Variants in PCDHA3 observed in about 807,000 individuals in gnomAD.
PCDHA3 encodes protocadherin alpha-3.
A neutral mutation model predicts 62.2 loss-of-function variants in PCDHA3; 41 were observed. The observed-to-expected ratio is 0.66, with a 90% CI of 0.51 to 0.86. The LOEUF (loss-of-function observed/expected upper bound fraction) is 0.86. PCDHA3 is among the 40% of genes least tolerant of loss of function. The pLI is 0.00. For missense variants in PCDHA3, 1,304 were observed against 1,241.2 expected (o/e 1.05, Z -0.76); for synonymous variants, 640 against 555.4 (o/e 1.15, Z -2.14).
chr5:140,838,046 T>C (rs1554136765), intron 1 of PCDHA3, among the ~76,000 whole-genome samples: 1 of 150,988 alleles, frequency 6.6e-6, no homozygotes, highest in African/African-American at 2.4e-5. Flanking sequence ...TTCTGCACTT[T>C]TTGGTTTTCC....
At chr5:140,818,094 G>C (rs1213781361) in intron 1 of PCDHA3, among the ~76,000 whole-genome samples, 7 of 151,990 alleles carry the variant, frequency 4.6e-5, no homozygotes, top group Non-Finnish European at 1.0e-4. Flanking sequence ...TATATCTGTG[G>C]GTTGATAATA....
At chr5:140,910,699 C>T (rs2075133738) in intron 1 of PCDHA3, among the ~76,000 whole-genome samples, 1 of 152,180 alleles carries the variant, frequency 6.6e-6, no homozygotes. Flanking sequence ...AGCTTGCTCA[C>T]AGTGGGCCAT....
chr5:140,942,545 G>T (rs981508818), intron 1 of PCDHA3, among the ~76,000 whole-genome samples: 1 of 151,970 alleles, frequency 6.6e-6, no homozygotes, highest in Non-Finnish European at 1.5e-5. Flanking sequence ...ATGGTGGGGG[G>T]TAGGGGGTTG....
rs141385563 is a variant in PCDHA3, at chr5:140,802,886, G to C, written c.1689G>C (p.Pro563=). The C allele has an allele frequency of 6.2e-7, 1 of 1,613,630 alleles. No homozygotes were observed. Residue 563 remains proline, a synonymous_variant, in exon 1 of 4, where the codon CCG becomes CCC. Transcript: ENST00000522353. ...TGCTGGACGAGAACGACAACGCGCC[G>C]GCACTGCTGATGCCTCGGGTGGGTG... The part of the protein sequence containing the change: ...VFVLDENDNA[P]ALLMPRVGGI...
rs2150347261 is a variant in PCDHA3, at chr5:140,842,884, G to A, written c.2394+39293G>A. ...AGAGCGGCAAGGTGTACGCGCTGCA[G>A]CCGCTGGACCACGAGGAGCTAGAGC... On this transcript the variant is annotated intron_variant, in intron 1 of 3. Transcript: ENST00000522353. 17 of 1,594,074 alleles carry A rather than the reference G, an allele frequency of 1.1e-5. 3 individuals are homozygous for A. The African/African-American group carries it at 1.8e-4, about 16-fold the overall frequency.
chr5:140,895,841 C>T (rs1389575745), intron 1 of PCDHA3, among the ~76,000 whole-genome samples: 1 of 152,092 alleles, frequency 6.6e-6, no homozygotes, highest in Admixed American at 6.6e-5. Flanking sequence ...GACAAAGTCT[C>T]ACTCTTGTAC....
At position 141,010,190 on chromosome 5, in the gene PCDHA3, CCTTT is replaced by C. The variant is rs763940360; in HGVS notation, c.*256_*259del. On this transcript the variant is annotated 3_prime_UTR_variant, in exon 4 of 4. Coordinates refer to ENST00000522353, the MANE Select transcript of PCDHA3 (RefSeq NM_018906.3). ...GAACCTAAAAAGCAGACCCAAGTTT[CCTTT>C]CTCCTCCGCCGCAAAGGAGAGGCTT... 6.4e-7 allele frequency: 1 copy of C among 1,552,504 alleles called. No individual in the cohort carries two copies. Among genetic ancestry groups the C allele is most frequent in the Non-Finnish European group, 8.7e-7 (1 of 1,147,234 alleles).
intron 1 of PCDHA3, among the ~76,000 whole-genome samples, chr5:140,855,676 T>G (rs1325964352): frequency 1.3e-5 from 2 of 149,550 alleles, no homozygotes; most frequent in Non-Finnish European, 3.0e-5. Context: ...ACTCTGAGAG[T>G]CTACATTTAA....
At chr5:140,869,765 A>G in intron 1 of PCDHA3, 1 of 1,613,282 alleles carries the variant, frequency 6.2e-7, no homozygotes, top group Non-Finnish European at 8.5e-7. Context: ...GGAAAACCAG[A>G]GCTTACTGGC....
chr5:140,883,696 G>T (rs142212706), intron 1 of PCDHA3: 2 of 1,613,818 alleles, frequency 1.2e-6, no homozygotes, highest in Non-Finnish European at 1.7e-6. Flanking sequence ...ACATCTTCAC[G>T]GTGTCTGCTC....
intron 1 of PCDHA3, chr5:140,842,147 G>A: frequency 6.2e-7 from 1 of 1,613,842 alleles, no homozygotes; most frequent in Non-Finnish European, 8.5e-7. Flanking sequence ...AGCCAATGGG[G>A]CAATTTCATA....
chr5:140,862,916 G>A, intron 1 of PCDHA3: 1 of 547,890 alleles, frequency 1.8e-6, no homozygotes, highest in Non-Finnish European at 3.5e-6. Context: ...CTGGCGCCTT[G>A]GGTGGGCTGG....
At chr5:140,979,564 A>G (rs1267870261) in intron 2 of PCDHA3, among the ~76,000 whole-genome samples, 2 of 152,222 alleles carry the variant, frequency 1.3e-5, no homozygotes, top group Non-Finnish European at 2.9e-5. Context: ...AAGATGAGCC[A>G]TGTAAAGGGC....
At chr5:140,884,252 A>T (rs782059444) in intron 1 of PCDHA3, 36 of 1,613,334 alleles carry the variant, frequency 2.2e-5, no homozygotes, top group Non-Finnish European at 2.9e-5. Context: ...GCTGACGGCC[A>T]CGGCAACGGT....
At chr5:140,947,221 T>A (rs181563367) in intron 1 of PCDHA3, among the ~76,000 whole-genome samples, 1 of 151,730 alleles carries the variant, frequency 6.6e-6, no homozygotes, top group East Asian at 1.9e-4. Context: ...TCCTGTCATT[T>A]ATGACAGGAA....
At chr5:140,941,214 C>CTTTCTTTCTTTCTTTTT (rs1554214039) in intron 1 of PCDHA3, among the ~76,000 whole-genome samples, 1 of 122,414 alleles carries the variant, frequency 8.2e-6, no homozygotes, top group East Asian at 2.3e-4. Context: ...TTTCTTTCTT[C>CTTTCTTTCTTTCTTTTT]CTTTCTTTCT....
Position 140,890,802 on chromosome 5 carries a change from A to G in PCDHA3, c.2394+87211A>G, listed in dbSNP as rs1401387956. On this transcript the variant is annotated intron_variant, in intron 1 of 3. Transcript: ENST00000522353. The stretch of plus-strand genomic sequence containing the variant: ...TAAGATATTAGTATTATTTTATACA[A>G]TCAACATTGTTTTAAATGTACTTAC... 5.3e-5 allele frequency among the ~76,000 whole-genome samples: 8 copies of G among 152,310 alleles called. 1 individual carries two copies. Among genetic ancestry groups the G allele is most frequent in the Admixed American group, 4.6e-4 (7 of 15,296 alleles).
At chr5:140,835,825 A>G (rs2150245985) in intron 1 of PCDHA3, 3 of 1,612,220 alleles carry the variant, frequency 1.9e-6, no homozygotes, top group African/African-American at 1.3e-5. Context: ...TCGGCGGGGG[A>G]CGCGGACGCG....
chr5:140,833,851 C>G (rs148977790), intron 1 of PCDHA3, among the ~76,000 whole-genome samples: 4 of 152,118 alleles, frequency 2.6e-5, no homozygotes, highest in Admixed American at 2.6e-4. Flanking sequence ...TCTTAACAAG[C>G]GATACTGAAT....
Sources: allele counts gnomAD v4.1 joint callset (sites outside exome capture counted in the v4.1 genomes callset), GRCh38; gene constraint gnomAD v4.1.1; transcripts MANE v1.5; gene names NCBI Gene and HGNC (gene_info 2026-07-23, HGNC 2026-07-21).